Variants in MRPL1 observed in about 807,000 individuals in gnomAD.
MRPL1 encodes large ribosomal subunit protein uL1m.
MRPL1 carries 28 observed loss-of-function variants against 38.0 expected under a neutral mutation model. That is an observed-to-expected ratio of 0.74 (90% CI 0.55 to 1.01). MRPL1 has a LOEUF of 1.01. MRPL1 is among the 50% of genes least tolerant of loss of function. The pLI is 0.00. For missense variants in MRPL1, 358 were observed against 389.8 expected, an observed-to-expected ratio of 0.92 and a Z score of 0.69; for synonymous variants, 123 against 126.7, an observed-to-expected ratio of 0.97 and a Z score of 0.20.
At chr4:77,912,487 G>A (rs1329919178) in intron 7 of MRPL1, among the ~76,000 whole-genome samples, 1 of 152,000 alleles carries the variant, frequency 6.6e-6, no homozygotes, top group African/African-American at 2.4e-5. Flanking sequence ...AATACTTAGG[G>A]GTAAATCTGA....
intron 7 of MRPL1, among the ~76,000 whole-genome samples, chr4:77,948,425 G>T (rs372051681): frequency 6.6e-6 from 1 of 152,060 alleles, no homozygotes; most frequent in Non-Finnish European, 1.5e-5. Context: ...AAGTCTGTAC[G>T]GTGTATGGAC....
chr4:77,923,544 T>G (rs1736628787), intron 7 of MRPL1, among the ~76,000 whole-genome samples: 1 of 152,202 alleles, frequency 6.6e-6, no homozygotes. Context: ...TAAACCCTAT[T>G]GTATATTATT....
chr4:77,895,190 G>A (rs1416146248), intron 6 of MRPL1, among the ~76,000 whole-genome samples: 3 of 152,046 alleles, frequency 2.0e-5, no homozygotes, highest in African/African-American at 7.2e-5. Context: ...GCTTTAATCT[G>A]GCAAGAGGTT....
chr4:77,946,874 T>G (rs994330689), intron 7 of MRPL1, among the ~76,000 whole-genome samples: 6 of 152,152 alleles, frequency 3.9e-5, no homozygotes, highest in African/African-American at 1.2e-4. Context: ...ACCCTGGTAT[T>G]GTAGACTAAG....
intron 7 of MRPL1, among the ~76,000 whole-genome samples, chr4:77,929,277 T>C (rs1416478886): frequency 6.6e-6 from 1 of 151,888 alleles, no homozygotes; most frequent in Non-Finnish European, 1.5e-5. Flanking sequence ...AAAATAAAAA[T>C]AAAAACAAAA....
chr4:77,942,238 A>C (rs1737153420), intron 7 of MRPL1, among the ~76,000 whole-genome samples: 2 of 152,104 alleles, frequency 1.3e-5, no homozygotes, highest in South Asian at 4.1e-4. Flanking sequence ...TACTTGATAT[A>C]ATTTCAGTTT....
chr4:77,920,251 C>CT (rs1052041496), intron 7 of MRPL1, among the ~76,000 whole-genome samples: 2 of 152,044 alleles, frequency 1.3e-5, no homozygotes, highest in Admixed American at 6.6e-5. Flanking sequence ...TCAACTTCTG[C>CT]TTTTTTTCAT....
At chr4:77,944,589 T>A (rs1737211077) in intron 7 of MRPL1, among the ~76,000 whole-genome samples, 1 of 152,220 alleles carries the variant, frequency 6.6e-6, no homozygotes, top group South Asian at 2.1e-4. Context: ...CTTATTCGTC[T>A]TCCTGTTCCT....
intron 2 of MRPL1, among the ~76,000 whole-genome samples, chr4:77,876,016 A>C (rs1389289305): frequency 1.3e-5 from 2 of 152,126 alleles, no homozygotes; most frequent in African/African-American, 4.8e-5. Flanking sequence ...TCTGTTGACC[A>C]GGTTGGAGTG....
At chr4:77,936,986 G>A (rs949846741) in intron 7 of MRPL1, among the ~76,000 whole-genome samples, 5 of 151,970 alleles carry the variant, frequency 3.3e-5, no homozygotes, top group Admixed American at 2.0e-4. Context: ...TTAGCCCAGC[G>A]TGGTGGCGCA....
In MRPL1 at chr4:77,922,126, T is replaced by C. The variant is rs1736594816; in HGVS notation, c.777+12754T>C. On this transcript the variant is annotated intron_variant, in intron 7 of 8. Coordinates refer to ENST00000315567, the MANE Select transcript of MRPL1 (RefSeq NM_020236.4). ...AGTAAAAAAAAGAAAGTATTTTAGA[T>C]GGAAGTGCTAAGGAGGAAAAAACAA... 2.6e-5 allele frequency among the ~76,000 whole-genome samples: 4 copies of C among 152,212 alleles called. No individual in the cohort carries two copies. The South Asian group carries it at 8.3e-4, about 32-fold the overall frequency.
rs1424666282 is a variant in MRPL1, at chr4:77,894,253, A to G, written c.670+3A>G. The G allele has an allele frequency of 6.6e-7, 1 of 1,506,758 alleles. No individual in the cohort carries two copies. The allele number at this position is 1,506,758 out of a possible 1,614,324, so 93.3% of individuals were successfully genotyped here. Reference sequence around the variant, plus strand: ...AAAATATCCAAAGCTTTCTCGAAGTAAGAGAATTCCTATTATTTCAATATC... The same window carrying G: ...AAAATATCCAAAGCTTTCTCGAAGTGAGAGAATTCCTATTATTTCAATATC... On this transcript the variant is annotated splice_donor_region_variant and intron_variant, in intron 6 of 8. Transcript: ENST00000315567.
intron 7 of MRPL1, among the ~76,000 whole-genome samples, chr4:77,949,141 AT>A (rs1362794654): frequency 6.6e-6 from 1 of 152,220 alleles, no homozygotes; most frequent in African/African-American, 2.4e-5. Flanking sequence ...AATATAACGG[AT>A]TTTAACTGGA....
At chr4:77,895,557 A>G (rs1304840740) in intron 6 of MRPL1, among the ~76,000 whole-genome samples, 1 of 152,096 alleles carries the variant, frequency 6.6e-6, no homozygotes, top group Non-Finnish European at 1.5e-5. Context: ...TGTAGTGTAA[A>G]CAGAACAAAT....
intron 4 of MRPL1, 145 bp from the exon 5 acceptor site, chr4:77,887,075 C>A: frequency 1.4e-6 from 1 of 696,068 alleles, no homozygotes; most frequent in Non-Finnish European, 2.5e-6. Context: ...CAGTGAGAGC[C>A]ACTGCATCCA....
chr4:77,907,283 C>G (rs1262395435), intron 6 of MRPL1: 2 of 555,578 alleles, frequency 3.6e-6, no homozygotes, highest in Non-Finnish European at 4.6e-6. Flanking sequence ...ATGACTAAAT[C>G]TTAGGAGAGA....
At chr4:77,905,341 A>C (rs894371657) in intron 6 of MRPL1, among the ~76,000 whole-genome samples, 1 of 151,928 alleles carries the variant, frequency 6.6e-6, no homozygotes, top group Non-Finnish European at 1.5e-5. Context: ...TACTAAAAAT[A>C]CAAAAATTAG....
At chr4:77,926,612 C>CTTTTTTTTTTTTTTTTTTTCTTTTTTTTT (rs113752899) in intron 7 of MRPL1, among the ~76,000 whole-genome samples, 1 of 134,954 alleles carries the variant, frequency 7.4e-6, no homozygotes, top group Non-Finnish European at 1.6e-5. Context: ...TTCTTTTTTA[C>CTTTTTTTTTTTTTTTTTTTCTTTTTTTTT]TTTTTTTTTT....
At chr4:77,898,442 A>T (rs181935150) in intron 6 of MRPL1, among the ~76,000 whole-genome samples, 121 of 152,268 alleles carry the variant, frequency 7.9e-4, no homozygotes, top group African/African-American at 2.7e-3. Context: ...TCCAGCACTC[A>T]TTCAGTTGGT....
Sources: allele counts gnomAD v4.1 joint callset (sites outside exome capture counted in the v4.1 genomes callset), GRCh38; gene constraint gnomAD v4.1.1; transcripts MANE v1.5; gene names NCBI Gene and HGNC (gene_info 2026-07-23, HGNC 2026-07-21).